The following TFDP1 variants were observed in gnomAD, a reference collection of about 807,000 sequenced individuals.
TFDP1 encodes the protein DRTF1-polypeptide 1.
TFDP1 carries 6 observed loss-of-function variants against 48.0 expected under a neutral mutation model. The observed-to-expected ratio is 0.13, with a 90% CI of 0.07 to 0.25. TFDP1 has a LOEUF of 0.25. TFDP1 is among the 10% of genes least tolerant of loss of function. The pLI is 1.00. For synonymous variants in TFDP1, 201 were observed against 211.6 expected (o/e 0.95, Z 0.44); for missense variants, 335 against 543.0 (o/e 0.62, Z 3.81).
chr13:113,613,895 CTGTGAGTTTGCGTGTGTGTGCATGCG>C (rs1265893736), intron 3 of TFDP1, among the ~76,000 whole-genome samples: 1 of 143,604 alleles, frequency 7.0e-6, no homozygotes, highest in Non-Finnish European at 1.5e-5. Flanking sequence ...GTGAGTGTAC[CTGTGAGTTTGCGTGTGTGTGCATGCG>C]TGTGAGTTGT....
chr13:113,606,288 A>G (rs969556543), intron 2 of TFDP1, among the ~76,000 whole-genome samples: 3 of 152,072 alleles, frequency 2.0e-5, no homozygotes, highest in African/African-American at 7.3e-5. Context: ...CTGCTGTCAC[A>G]AGAATGCCAT....
intron 3 of TFDP1, among the ~76,000 whole-genome samples, chr13:113,613,136 C>T (rs1013131642): frequency 6.6e-6 from 1 of 152,210 alleles, no homozygotes. Context: ...CCTGCCTCAG[C>T]CTCCAGAGTA....
Position 113,633,347 on chromosome 13 carries a change from G to A in TFDP1, c.474+62G>A, listed in dbSNP as rs566883006. Reference sequence around the variant, plus strand: ...GGAGCCCAGCGGTGTGGTACGTTTCGCTCTTTTAATATCGGGAACAGTTAA... The same window carrying A: ...GGAGCCCAGCGGTGTGGTACGTTTCACTCTTTTAATATCGGGAACAGTTAA... On this transcript the variant is annotated intron_variant, in intron 6 of 11. Transcript: ENST00000375370. The surrounding 1 kb of genome is among the most constrained non-coding windows in gnomAD (Gnocchi z 4.5). The A allele has an allele frequency of 1.1e-4, 121 of 1,110,734 alleles. 1 individual carries two copies. The highest frequency in any genetic ancestry group is 1.4e-4 in the Non-Finnish European group (104 of 749,458). The allele number at this position is 1,110,734 out of a possible 1,614,324, so 68.8% of individuals were successfully genotyped here.
intron 2 of TFDP1, among the ~76,000 whole-genome samples, chr13:113,590,624 T>A (rs74116243): frequency 0.036 from 5,556 of 152,312 alleles, 324 homozygotes; most frequent in African/African-American, 0.12. Flanking sequence ...GATGACGTGC[T>A]TGTTTTTACA....
intron 9 of TFDP1, 86 bp downstream of exon 9, chr13:113,636,214 T>A: frequency 1.3e-6 from 2 of 1,510,178 alleles, no homozygotes; most frequent in Non-Finnish European, 1.8e-6. Flanking sequence ...TAGGACAAGT[T>A]TTAAATGTTG....
At chr13:113,622,311 G>A (rs1399282322) in intron 3 of TFDP1, among the ~76,000 whole-genome samples, 2 of 152,094 alleles carry the variant, frequency 1.3e-5, no homozygotes, top group African/African-American at 2.4e-5. Context: ...CTCCGCACAC[G>A]GGGAGAAACC....
intron 5 of TFDP1, among the ~76,000 whole-genome samples, chr13:113,632,722 G>A (rs922693451): frequency 2.6e-5 from 4 of 152,200 alleles, no homozygotes; most frequent in Non-Finnish European, 5.9e-5. Context: ...AGGTTGCAGT[G>A]AGCCGAGATG....
At chr13:113,614,050 ATG>A (rs563255975) in intron 3 of TFDP1, among the ~76,000 whole-genome samples, 2,443 of 143,694 alleles carry the variant, frequency 0.017, 65 homozygotes, top group African/African-American at 0.06. Context: ...TGTGTGTGAG[ATG>A]TGTGTTGTGT....
chr13:113,638,699 T>C (rs2049566194), intron 11 of TFDP1, among the ~76,000 whole-genome samples: 2 of 152,248 alleles, frequency 1.3e-5, no homozygotes, highest in Admixed American at 1.3e-4. Flanking sequence ...ATCTTTGACC[T>C]GCAATCCCAC....
chr13:113,633,415 C>T lies in TFDP1; in HGVS notation c.474+130C>T, dbSNP rs756365580. On this transcript the variant is annotated intron_variant, in intron 6 of 11. Transcript: ENST00000375370. The surrounding 1 kb of genome is among the most constrained non-coding windows in gnomAD (Gnocchi z 4.5). ...CAAGTACAGCATAAAAGAATTTTTA[C>T]CAAACGAGTCAGTAAGTGTGTGCCG... 4.5e-5 allele frequency: 50 copies of T among 1,110,342 alleles called. No individual in the cohort carries two copies. The highest frequency in any genetic ancestry group is 6.1e-5 in the Non-Finnish European group (47 of 773,752). 68.8% of individuals were successfully genotyped at this position (1,110,342 alleles called of 1,614,324 possible).
chr13:113,618,372 A>C (rs1003184118), intron 3 of TFDP1, among the ~76,000 whole-genome samples: 1 of 152,152 alleles, frequency 6.6e-6, no homozygotes, highest in Non-Finnish European at 1.5e-5. Flanking sequence ...AAATACAAAA[A>C]TTAGCCGGGT....
intron 5 of TFDP1, 124 bp downstream of exon 5, chr13:113,631,868 C>T (rs2049345961): frequency 7.6e-7 from 1 of 1,321,178 alleles, no homozygotes; most frequent in South Asian, 1.4e-5. Flanking sequence ...TGACGCCAGC[C>T]TCCGAATCAC....
rs12428925 is a variant in TFDP1, at chr13:113,630,043, T to G, written c.187-1580T>G. On this transcript the variant is annotated intron_variant, in intron 4 of 11. Coordinates refer to ENST00000375370, the MANE Select transcript of TFDP1 (RefSeq NM_007111.5). The stretch of plus-strand genomic sequence containing the variant: ...ACATCAACTCCCGGAGAATGGCATC[T>G]GCTGAACTCAACGTAGGAAGCCGTG... Among the ~76,000 whole-genome samples, 3 of 151,770 alleles carry G rather than the reference T, an allele frequency of 2.0e-5. No homozygotes were observed. In the South Asian group the frequency reaches 6.2e-4, roughly 31 times the overall value.
chr13:113,595,696 A>T (rs947727263), intron 2 of TFDP1, among the ~76,000 whole-genome samples: 1 of 152,256 alleles, frequency 6.6e-6, no homozygotes, highest in African/African-American at 2.4e-5. Context: ...GTGAGTGCAG[A>T]TGCTGGTCTT....
intron 2 of TFDP1, among the ~76,000 whole-genome samples, chr13:113,606,287 C>G (rs1349329241): frequency 6.6e-6 from 1 of 151,918 alleles, no homozygotes; most frequent in South Asian, 2.1e-4. Flanking sequence ...GCTGCTGTCA[C>G]AAGAATGCCA....
chr13:113,617,674 G>T (rs766820199), intron 3 of TFDP1, among the ~76,000 whole-genome samples: 3 of 137,082 alleles, frequency 2.2e-5, no homozygotes, highest in African/African-American at 6.7e-5. Context: ...CTGCAGAGCC[G>T]CTCACCTGCA....
intron 2 of TFDP1, among the ~76,000 whole-genome samples, chr13:113,591,818 C>T (rs975488960): frequency 1.3e-5 from 2 of 152,146 alleles, no homozygotes; most frequent in Non-Finnish European, 2.9e-5. Context: ...CAGATGTCAG[C>T]GTTGGCTGAA....
Position 113,612,319 on chromosome 13 carries a change from A to T in TFDP1, c.79+1257A>T, listed in dbSNP as rs538347230. Among the ~76,000 whole-genome samples, 461 of 152,246 alleles carry T rather than the reference A, an allele frequency of 3.0e-3. 2 individuals carry two copies. Among genetic ancestry groups the T allele is most frequent in the African/African-American group, 0.011 (438 of 41,548 alleles). On this transcript the variant is annotated intron_variant, in intron 3 of 11. Coordinates refer to ENST00000375370, the MANE Select transcript of TFDP1 (RefSeq NM_007111.5). ...ACCTGAGCCAGCCTGCAGCCTCCCC[A>T]GCCTCCTGCTGTCCCCGGGCCCTGT...
chr13:113,608,249 G>A (rs995795889), intron 2 of TFDP1, among the ~76,000 whole-genome samples: 2 of 152,248 alleles, frequency 1.3e-5, no homozygotes, highest in African/African-American at 4.8e-5. Flanking sequence ...GGGGCAGTGC[G>A]TTCCCAGTGC....
Sources: allele counts gnomAD v4.1 joint callset (sites outside exome capture counted in the v4.1 genomes callset), GRCh38; gene constraint gnomAD v4.1.1; non-coding constraint Gnocchi (gnomAD v3.1); transcripts MANE v1.5; gene names NCBI Gene and HGNC (gene_info 2026-07-23, HGNC 2026-07-21).